Variants in HLF observed in about 807,000 individuals in gnomAD.
The protein encoded by HLF is hepatic leukemia factor.
HLF carries 3 observed loss-of-function variants against 22.6 expected under a neutral mutation model. That is an observed-to-expected ratio of 0.13 (90% CI 0.06 to 0.34). The LOEUF is 0.34. HLF is among the 10% of genes least tolerant of loss of function. HLF has a pLI of 1.00. For synonymous variants in HLF, 151 were observed against 151.8 expected, an observed-to-expected ratio of 0.99 and a Z score of 0.04; for missense variants, 299 against 389.2, an observed-to-expected ratio of 0.77 and a Z score of 1.95.
intron 2 of HLF, among the ~76,000 whole-genome samples, chr17:55,282,092 AT>A (rs2080960094): frequency 6.6e-6 from 1 of 152,206 alleles, no homozygotes; most frequent in Non-Finnish European, 1.5e-5. Flanking sequence ...ATTTTGCAGG[AT>A]TGTCATGCAA....
intron 2 of HLF, among the ~76,000 whole-genome samples, chr17:55,271,197 T>A (rs934026955): frequency 1.7e-4 from 26 of 152,224 alleles, no homozygotes; most frequent in African/African-American, 6.3e-4. Context: ...TGCAATGCTT[T>A]ATGGCAAAAC....
chr17:55,309,977 A>G (rs1167451494), intron 2 of HLF, among the ~76,000 whole-genome samples: 1 of 152,250 alleles, frequency 6.6e-6, no homozygotes, highest in Non-Finnish European at 1.5e-5. Flanking sequence ...CTTGCTAATG[A>G]GCTAATTGAA....
chr17:55,324,792 T>A lies in HLF; in HGVS notation c.*3913T>A, dbSNP rs1177624108. ...TTTTGCAGGAGGCTAAGTGTAAGAG[T>A]GTGTGTGTGTGTGTGTGCGTGCATG... is the stretch of plus-strand genomic sequence containing the variant. On this transcript the variant is annotated 3_prime_UTR_variant, in exon 4 of 4. Coordinates refer to ENST00000226067, the MANE Select transcript of HLF (RefSeq NM_002126.5). 2 of 170,316 alleles carry A rather than the reference T, an allele frequency of 1.2e-5. No individual in the cohort carries two copies. Among genetic ancestry groups the A allele is most frequent in the South Asian group, 4.3e-4 (2 of 4,658 alleles). The allele number at this position is 170,316 out of a possible 1,614,324, so 10.6% of individuals were successfully genotyped here. A position where few individuals can be genotyped will look rare whatever the true frequency, so the allele number is the denominator to read the frequency against.
Position 55,287,554 on chromosome 17 carries a change from C to T in HLF, c.451+19468C>T, listed in dbSNP as rs140828524. ...TAATTAAGTGAAACAATGCACAGTG[C>T]ATTTCCTTGGTGGATTCTAACAGCA... On this transcript the variant is annotated intron_variant, in intron 2 of 3. Coordinates refer to ENST00000226067, the MANE Select transcript of HLF (RefSeq NM_002126.5). Among the ~76,000 whole-genome samples the T allele has an allele frequency of 1.2e-3, 181 of 152,330 alleles. 1 individual carries two copies. The highest frequency in any genetic ancestry group is 4.2e-3 in the African/African-American group (176 of 41,568).
chr17:55,311,246 T>C, intron 2 of HLF, among the ~76,000 whole-genome samples: 1 of 152,146 alleles, frequency 6.6e-6, no homozygotes, highest in East Asian at 1.9e-4. Flanking sequence ...ATGGAAATTA[T>C]AACAATAGTA....
Position 55,320,150 on chromosome 17 carries a change from T to C in HLF, c.673-514T>C, listed in dbSNP as rs1479666909. Among the ~76,000 whole-genome samples the C allele has an allele frequency of 1.3e-5, 2 of 152,234 alleles. No individual in the cohort carries two copies. The highest frequency in any genetic ancestry group is 2.9e-5 in the Non-Finnish European group (2 of 68,046). ...TGAACAGTTTATGCTTGTGTGTACA[T>C]GCACATGTATGGAGATTGCTACAGG... On this transcript the variant is annotated intron_variant, in intron 3 of 3. Coordinates refer to ENST00000226067, the MANE Select transcript of HLF (RefSeq NM_002126.5). The surrounding 1 kb of genome is among the most constrained non-coding windows in gnomAD (Gnocchi z 4.2).
At chr17:55,275,468 A>C (rs780421372) in intron 2 of HLF, among the ~76,000 whole-genome samples, 6 of 152,204 alleles carry the variant, frequency 3.9e-5, no homozygotes, top group Non-Finnish European at 8.8e-5. Flanking sequence ...CTACCATTGA[A>C]TTTTTAACAA....
rs1275419376 is a variant in HLF, at chr17:55,325,151, C to T, written c.*4272C>T. On this transcript the variant is annotated 3_prime_UTR_variant, in exon 4 of 4. Coordinates refer to ENST00000226067, the MANE Select transcript of HLF (RefSeq NM_002126.5). ...AAGAGACCATTTGTAGAGATTATTA[C>T]CTAGATAATAAAATGATAATACTAT... is the stretch of plus-strand genomic sequence containing the variant. 5.5e-6 allele frequency: 1 copy of T among 181,244 alleles called. No individual in the cohort carries two copies. The highest frequency in any genetic ancestry group is 1.2e-5 in the Non-Finnish European group (1 of 84,810). The allele number at this position is 181,244 out of a possible 1,614,324, so 11.2% of individuals were successfully genotyped here. A position where few individuals can be genotyped will look rare whatever the true frequency, so the allele number is the denominator to read the frequency against.
chr17:55,303,508 T>C (rs1598404071), intron 2 of HLF, among the ~76,000 whole-genome samples: 1 of 152,200 alleles, frequency 6.6e-6, no homozygotes, highest in South Asian at 2.1e-4. Context: ...ATAGGGCTCA[T>C]TGTCCAGTGC....
intron 2 of HLF, among the ~76,000 whole-genome samples, chr17:55,297,970 G>A (rs576455831): frequency 2.0e-5 from 3 of 151,892 alleles, no homozygotes; most frequent in East Asian, 1.9e-4. Context: ...GGCTGGTCTC[G>A]AACTCCTGAC....
intron 2 of HLF, among the ~76,000 whole-genome samples, chr17:55,293,033 G>A (rs1255894306): frequency 6.6e-6 from 1 of 152,178 alleles, no homozygotes; most frequent in Non-Finnish European, 1.5e-5. Context: ...GGTTAGTTAA[G>A]AGGTACAAAA....
At chr17:55,274,017 G>GTCGA (rs1295240569) in intron 2 of HLF, among the ~76,000 whole-genome samples, 49 of 152,146 alleles carry the variant, frequency 3.2e-4, no homozygotes, top group Non-Finnish European at 6.2e-4. Context: ...TCCTGCCAAG[G>GTCGA]GTCTTGGCAG....
chr17:55,297,737 T>TC (rs2081122262), intron 2 of HLF, among the ~76,000 whole-genome samples: 2 of 131,004 alleles, frequency 1.5e-5, no homozygotes, highest in South Asian at 5.7e-4. Context: ...TAACAGCATT[T>TC]CTTTTTTTTT....
chr17:55,291,322 G>A (rs1348375619), intron 2 of HLF, among the ~76,000 whole-genome samples: 1 of 152,192 alleles, frequency 6.6e-6, no homozygotes, highest in Non-Finnish European at 1.5e-5. Flanking sequence ...GCTGACTTTT[G>A]TTAGTGGGCA....
At chr17:55,285,877 T>C (rs1359834098) in intron 2 of HLF, among the ~76,000 whole-genome samples, 1 of 152,226 alleles carries the variant, frequency 6.6e-6, no homozygotes, top group African/African-American at 2.4e-5. Flanking sequence ...AGAAAATGTT[T>C]TACTTTTGCG....
intron 2 of HLF, 28 bp from the exon 3 acceptor site, chr17:55,315,199 A>G: frequency 6.3e-7 from 1 of 1,591,516 alleles, no homozygotes; most frequent in Non-Finnish European, 8.6e-7. Flanking sequence ...TAGGGTGTTC[A>G]TGAATTAAAA....
intron 2 of HLF, among the ~76,000 whole-genome samples, chr17:55,270,274 T>G (rs1218847106): frequency 1.3e-5 from 2 of 152,208 alleles, no homozygotes; most frequent in East Asian, 3.8e-4. Context: ...CACTTCAACA[T>G]AGTTTCCTTC....
At chr17:55,265,831 AC>A in intron 1 of HLF, 1 of 1,276,364 alleles carries the variant, frequency 7.8e-7, no homozygotes, top group African/African-American at 1.6e-5. Context: ...AGCTTCGGGC[AC>A]CCGGCCTCCC....
At chr17:55,286,207 C>G (rs1325629407) in intron 2 of HLF, among the ~76,000 whole-genome samples, 4 of 152,234 alleles carry the variant, frequency 2.6e-5, no homozygotes, top group African/African-American at 7.2e-5. Context: ...AGCAAGCCGC[C>G]TGGAATGGCA....
Sources: allele counts gnomAD v4.1 joint callset (sites outside exome capture counted in the v4.1 genomes callset), GRCh38; gene constraint gnomAD v4.1.1; non-coding constraint Gnocchi (gnomAD v3.1); transcripts MANE v1.5; gene names NCBI Gene and HGNC (gene_info 2026-07-23, HGNC 2026-07-21).